The following ACOT11 variants were observed in gnomAD, a reference collection of about 807,000 sequenced individuals.
The protein encoded by ACOT11 is acyl-coenzyme A thioesterase 11.
Under a neutral mutation model 77.5 loss-of-function variants are expected in ACOT11, and 69 were observed. The ratio of observed to expected loss-of-function variants is 0.89; its 90% CI spans 0.73 to 1.09. The LOEUF (loss-of-function observed/expected upper bound fraction) is 1.09, where lower values mean the gene tolerates loss of function less well. Among genes scored for constraint, ACOT11 ranks in the 50% least tolerant of loss-of-function variants. The pLI, the probability that ACOT11 is intolerant of heterozygous loss-of-function variation, is 0.00. For synonymous variants in ACOT11, 279 were observed against 313.0 expected (o/e 0.89, Z 1.15); for missense variants, 766 against 813.7 (o/e 0.94, Z 0.71).
chr1:54,589,580 T>G (rs192886384), intron 3 of ACOT11, among the ~76,000 whole-genome samples: 3 of 152,196 alleles, frequency 2.0e-5, no homozygotes, highest in Admixed American at 2.0e-4. Flanking sequence ...AAGCGATCCT[T>G]CCACCTTAGC....
At chr1:54,611,667 A>C, downstream of ACOT11, 1 of 1,614,094 alleles carries the variant, frequency 6.2e-7, no homozygotes, top group Non-Finnish European at 8.5e-7. Context: ...CTTGGTGGAC[A>C]GCAGTGTTAT....
chr1:54,608,170 C>T (rs1644054069), intron 15 of ACOT11, 102 bp downstream of exon 15: 2 of 1,232,680 alleles, frequency 1.6e-6, no homozygotes, highest in Admixed American at 2.8e-5. Flanking sequence ...TCAGAGCTGG[C>T]CCCCCAGCAG....
At chr1:54,590,730 G>A (rs147118005) in intron 3 of ACOT11, among the ~76,000 whole-genome samples, 1 of 152,192 alleles carries the variant, frequency 6.6e-6, no homozygotes, top group Non-Finnish European at 1.5e-5. Flanking sequence ...CTGTATCTAT[G>A]TATGGACAAA....
chr1:54,616,032 A>G, intron 15 of ACOT11: 2 of 1,613,826 alleles, frequency 1.2e-6, no homozygotes, highest in South Asian at 2.2e-5. Context: ...TTTTGGGAAG[A>G]GCCCAGCACA....
intron 15 of ACOT11, chr1:54,616,210 T>A (rs201521481): frequency 9.1e-4 from 1,418 of 1,555,286 alleles, no homozygotes; most frequent in Non-Finnish European, 1.2e-3. Flanking sequence ...TTCCTTTTTT[T>A]AAAAAAAGAA....
At chr1:54,578,590 C>T (rs1027477135) in intron 1 of ACOT11, among the ~76,000 whole-genome samples, 4 of 152,196 alleles carry the variant, frequency 2.6e-5, no homozygotes, top group African/African-American at 9.7e-5. Flanking sequence ...TTCTGCTCCA[C>T]ATTCTGGGAT....
At chr1:54,620,707 G>C (rs913795621) in intron 15 of ACOT11, among the ~76,000 whole-genome samples, 21 of 151,084 alleles carry the variant, frequency 1.4e-4, no homozygotes, top group Admixed American at 1.3e-3. Flanking sequence ...TAGCGGGATG[G>C]ACGTGGTGGC....
chr1:54,623,261 T>TG (rs773244376), intron 15 of ACOT11: 17 of 1,582,700 alleles, frequency 1.1e-5, no homozygotes, highest in Non-Finnish European at 1.5e-5. Flanking sequence ...CAGGATGACA[T>TG]GGGGGGAGGC....
At chr1:54,594,815 T>C in intron 6 of ACOT11, 124 bp downstream of exon 6, 1 of 1,379,882 alleles carries the variant, frequency 7.2e-7, no homozygotes, top group Non-Finnish European at 9.7e-7. Context: ...CTGGTGGCCC[T>C]GGGCCTCTCC....
At chr1:54,583,885 G>C (rs1248925560) in intron 1 of ACOT11, among the ~76,000 whole-genome samples, 1 of 152,148 alleles carries the variant, frequency 6.6e-6, no homozygotes, top group Non-Finnish European at 1.5e-5. Flanking sequence ...TCTGCTTAGG[G>C]ATGGCAGGCT....
In ACOT11 at chr1:54,607,599, C is replaced by A. The variant is rs1247542205; in HGVS notation, c.1502+334C>A. 2.6e-5 allele frequency among the ~76,000 whole-genome samples: 4 copies of A among 152,126 alleles called. No homozygotes were observed. Among genetic ancestry groups the A allele is most frequent in the Non-Finnish European group, 1.5e-5 (1 of 68,006 alleles). On this transcript the variant is annotated intron_variant, in intron 14 of 15. Transcript: ENST00000343744. The surrounding 1 kb of genome is among the most constrained non-coding windows in gnomAD (Gnocchi z 4.5). ...CCTCCCTCTGACAGCCCTGTGTGGG[C>A]TGGAGGGCCTAAACATCTCTTTTGC... is the stretch of plus-strand genomic sequence containing the variant.
chr1:54,609,706 A>G lies in ACOT11; in HGVS notation c.*594A>G, dbSNP rs780550498. On this transcript the variant is annotated 3_prime_UTR_variant, in exon 16 of 16. Coordinates refer to ENST00000343744, the MANE Select transcript of ACOT11 (RefSeq NM_147161.4). ...GGGAGATTTTGGCCCCAACCCACAC[A>G]GGCCAATGCAAGAGGCCAAGGCTGG... is the stretch of plus-strand genomic sequence containing the variant. 10 of 1,614,094 alleles carry G rather than the reference A, an allele frequency of 6.2e-6. No homozygotes were observed. The highest frequency in any genetic ancestry group is 8.5e-6 in the Non-Finnish European group (10 of 1,180,006).
At chr1:54,615,523 G>C (rs1002212572) in intron 15 of ACOT11, among the ~76,000 whole-genome samples, 8 of 152,146 alleles carry the variant, frequency 5.3e-5, no homozygotes, top group Admixed American at 2.0e-4. Context: ...AAGCCAGTGA[G>C]GAGGGAGGTC....
rs144674762 is a variant in ACOT11 at position 54,576,003 on chromosome 1, C to A, written c.34-8652C>A. Among the ~76,000 whole-genome samples, 34 of 152,308 alleles carry A rather than the reference C, an allele frequency of 2.2e-4. No individual in the cohort carries two copies. In the East Asian group the frequency reaches 6.6e-3, roughly 29 times the overall value. ...GCAGGAACTGAGGCAGAGAAAGTTT[C>A]ATAATCAAAAGGCAGCCAAACAAGG... On this transcript the variant is annotated intron_variant, in intron 1 of 15. Transcript: ENST00000343744.
chr1:54,595,261 G>A (rs567169443), intron 6 of ACOT11, among the ~76,000 whole-genome samples: 44 of 152,118 alleles, frequency 2.9e-4, no homozygotes, highest in East Asian at 2.5e-3. Context: ...CAGGAGAATC[G>A]CTTGGACCTG....
chr1:54,598,880 C>T (rs1643919785), intron 7 of ACOT11: 3 of 145,922 alleles, frequency 2.1e-5, no homozygotes, highest in Non-Finnish European at 4.5e-5. Context: ...TGTGGTGGCT[C>T]ATGCCTGTAA....
chr1:54,601,172 C>A, intron 8 of ACOT11, 97 bp from the exon 9 acceptor site: 1 of 1,437,416 alleles, frequency 7.0e-7, no homozygotes, highest in Non-Finnish European at 9.5e-7. Context: ...TGTGTGGGCG[C>A]ATGTGTGCAT....
At position 54,605,221 on chromosome 1, in the gene ACOT11, G is replaced by T; in HGVS notation, c.1370+12G>T. 6.2e-7 allele frequency: 1 copy of T among 1,611,598 alleles called. No homozygotes were observed. ...GACAAGCACTACCGGTGAGGGGCCA[G>T]GGTGAGGGCAGGGCAGTGTCCCTTC... On this transcript the variant is annotated intron_variant, in intron 13 of 15. Coordinates refer to ENST00000343744, the MANE Select transcript of ACOT11 (RefSeq NM_147161.4).
rs145140282 is a variant in ACOT11 at position 54,609,556 on chromosome 1, C to T, written c.*444C>T. On this transcript the variant is annotated 3_prime_UTR_variant, in exon 16 of 16. Transcript: ENST00000343744. ...CTAGCATATCTGTGAGCAGCTGTTC[C>T]CTGTAGCCACTGCCCAGCACCTCCT... 4 of 1,612,658 alleles carry T rather than the reference C, an allele frequency of 2.5e-6. No homozygotes were observed. In the Admixed American group the frequency reaches 5.0e-5, roughly 20 times the overall value.
Sources: allele counts gnomAD v4.1 joint callset (sites outside exome capture counted in the v4.1 genomes callset), GRCh38; gene constraint gnomAD v4.1.1; non-coding constraint Gnocchi (gnomAD v3.1); transcripts MANE v1.5; gene names NCBI Gene and HGNC (gene_info 2026-07-23, HGNC 2026-07-21).